Variants in ZMAT4 observed in about 807,000 individuals in gnomAD.
The protein encoded by ZMAT4 is zinc finger matrin-type protein 4.
In ZMAT4, 17 loss-of-function variants were observed where a neutral mutation model predicts 28.7. That is an observed-to-expected ratio of 0.59 (90% confidence interval 0.41 to 0.89). The LOEUF is 0.89. ZMAT4 is among the 40% of genes least tolerant of loss of function. The pLI is 0.00. For missense variants in ZMAT4, 240 were observed against 283.8 expected (o/e 0.85, Z 1.11); for synonymous variants, 117 against 109.2 (o/e 1.07, Z -0.44).
chr8:40,568,606 C>CTTA (rs1305967680), intron 6 of ZMAT4, among the ~76,000 whole-genome samples: 4 of 152,036 alleles, frequency 2.6e-5, no homozygotes, highest in African/African-American at 9.7e-5. Context: ...CCATTTAGTA[C>CTTA]TTATTATTAT....
Position 40,571,698 on chromosome 8 carries a change from A to G in ZMAT4, c.674+9467T>C, listed in dbSNP as rs568562684. The stretch of plus-strand genomic sequence containing the variant: ...CAGAATTATAAAATGGGGCAAGCAA[A>G]GAATTAGCCATGGGTTCCAGATTTC... On this transcript the variant is annotated intron_variant, in intron 6 of 6. Coordinates refer to ENST00000297737, the MANE Select transcript of ZMAT4 (RefSeq NM_024645.3). 3.9e-5 allele frequency among the ~76,000 whole-genome samples: 6 copies of G among 152,312 alleles called. No homozygotes were observed. In the South Asian group the frequency reaches 1.2e-3, roughly 32 times the overall value.
chr8:40,782,385 G>A (rs150130444), intron 2 of ZMAT4, among the ~76,000 whole-genome samples: 2,157 of 150,264 alleles, frequency 0.014, 39 homozygotes, highest in Admixed American at 0.046. Flanking sequence ...ACTCCGTCTC[G>A]AAAACAAGCA....
chr8:40,674,155 C>CA (rs1012192574), intron 5 of ZMAT4, among the ~76,000 whole-genome samples: 1 of 135,750 alleles, frequency 7.4e-6, no homozygotes, highest in African/African-American at 2.8e-5. Context: ...AGTGCAATGG[C>CA]AAAATCTCGG....
At chr8:40,629,195 A>C (rs1326495280) in intron 5 of ZMAT4, among the ~76,000 whole-genome samples, 1 of 151,550 alleles carries the variant, frequency 6.6e-6, no homozygotes, top group African/African-American at 2.4e-5. Context: ...ACATGTATTT[A>C]GTGAGTAAAA....
At position 40,670,518 on chromosome 8, in the gene ZMAT4, A is replaced by T. The variant is rs192787430; in HGVS notation, c.577+4186T>A. Reference sequence around the variant, plus strand: ...CAAAAAGCAATGATTATAAAAGAATAAAAAAGTTAAGTTAGCCTCCCAAAA... The same window carrying T: ...CAAAAAGCAATGATTATAAAAGAATTAAAAAGTTAAGTTAGCCTCCCAAAA... On this transcript the variant is annotated intron_variant, in intron 5 of 6. Transcript: ENST00000297737. 2.0e-5 allele frequency among the ~76,000 whole-genome samples: 3 copies of T among 152,292 alleles called. No individual in the cohort carries two copies. In the East Asian group the frequency reaches 5.8e-4, roughly 29 times the overall value.
At chr8:40,647,735 G>A (rs191056984) in intron 5 of ZMAT4, among the ~76,000 whole-genome samples, 2,978 of 152,240 alleles carry the variant, frequency 0.02, 92 homozygotes, top group African/African-American at 0.067. Context: ...ATCTGAGAAC[G>A]GACAGACTGC....
intron 5 of ZMAT4, among the ~76,000 whole-genome samples, chr8:40,590,855 A>G (rs757375257): frequency 2.0e-5 from 3 of 152,102 alleles, no homozygotes; most frequent in Admixed American, 6.6e-5. Flanking sequence ...GATTACTTAG[A>G]TATTAACGTT....
intron 1 of ZMAT4, among the ~76,000 whole-genome samples, chr8:40,841,396 C>T (rs1410146160): frequency 1.3e-5 from 2 of 152,216 alleles, no homozygotes; most frequent in African/African-American, 2.4e-5. Flanking sequence ...CCCCCTGCCA[C>T]CAACAAATGT....
At chr8:40,584,354 A>T (rs933361191) in intron 5 of ZMAT4, among the ~76,000 whole-genome samples, 4 of 152,002 alleles carry the variant, frequency 2.6e-5, no homozygotes, top group African/African-American at 9.7e-5. Context: ...AGCCTCCCAC[A>T]CCCTCTTTTC....
intron 4 of ZMAT4, among the ~76,000 whole-genome samples, chr8:40,678,611 T>C (rs542222297): frequency 1.3e-5 from 2 of 152,334 alleles, no homozygotes; most frequent in East Asian, 1.9e-4. Flanking sequence ...GCACAATTCA[T>C]TTGGCATTTC....
chr8:40,708,969 T>C (rs1478468919), intron 3 of ZMAT4, among the ~76,000 whole-genome samples: 1 of 151,882 alleles, frequency 6.6e-6, no homozygotes, highest in Non-Finnish European at 1.5e-5. Flanking sequence ...AAACTATAAA[T>C]TGAGAAAACT....
intron 3 of ZMAT4, among the ~76,000 whole-genome samples, chr8:40,741,568 A>G (rs1812005372): frequency 6.6e-6 from 1 of 152,242 alleles, no homozygotes; most frequent in East Asian, 1.9e-4. Flanking sequence ...GATTGGTAAT[A>G]TCCAGTATTA....
intron 3 of ZMAT4, among the ~76,000 whole-genome samples, chr8:40,718,634 T>C (rs534934592): frequency 6.6e-4 from 101 of 152,264 alleles, no homozygotes; most frequent in African/African-American, 2.4e-3. Context: ...ACTGCACAAT[T>C]ACCTGCTCAC....
intron 5 of ZMAT4, among the ~76,000 whole-genome samples, chr8:40,589,754 T>TTCTTTCTTTCTTTC (rs1398233232): frequency 6.7e-6 from 1 of 148,404 alleles, no homozygotes; most frequent in Non-Finnish European, 1.5e-5. Flanking sequence ...CTTTCTTTCT[T>TTCTTTCTTTCTTTC]TCTTTCTTTT....
chr8:40,554,669 C>T (rs1803472830), intron 6 of ZMAT4, among the ~76,000 whole-genome samples: 1 of 152,000 alleles, frequency 6.6e-6, no homozygotes, highest in Non-Finnish European at 1.5e-5. Context: ...TTTCTCATTT[C>T]TAAATTTAAT....
intron 2 of ZMAT4, among the ~76,000 whole-genome samples, chr8:40,794,480 T>G (rs1003654860): frequency 2.5e-4 from 38 of 152,192 alleles, no homozygotes; most frequent in Non-Finnish European, 8.8e-5. Context: ...CTCTACAGAA[T>G]AGCCCACAGT....
chr8:40,624,965 G>A (rs1469008410), intron 5 of ZMAT4, among the ~76,000 whole-genome samples: 1 of 152,200 alleles, frequency 6.6e-6, no homozygotes, highest in Non-Finnish European at 1.5e-5. Flanking sequence ...ATAATGCTAA[G>A]GACTATGAAG....
intron 1 of ZMAT4, among the ~76,000 whole-genome samples, chr8:40,829,480 G>C (rs1289608809): frequency 6.6e-6 from 1 of 152,194 alleles, no homozygotes; most frequent in South Asian, 2.1e-4. Context: ...AGCAGTGATG[G>C]TGTGAGGCTC....
At chr8:40,717,367 C>A (rs992047516) in intron 3 of ZMAT4, among the ~76,000 whole-genome samples, 11 of 152,116 alleles carry the variant, frequency 7.2e-5, no homozygotes, top group Non-Finnish European at 1.5e-4. Context: ...CAAAATAAAG[C>A]ATTCAGGCAG....
Sources: gnomAD v4.1 joint callset for allele counts (sites outside exome capture counted in the v4.1 genomes callset) on GRCh38, gnomAD v4.1.1 for gene constraint, MANE v1.5 for transcripts, NCBI Gene and HGNC (gene_info 2026-07-23, HGNC 2026-07-21) for gene names.